Variants in SLC39A11 observed in about 807,000 individuals in gnomAD.
SLC39A11 encodes the protein zinc transporter ZIP11.
A neutral mutation model predicts 36.1 loss-of-function variants in SLC39A11; 33 were observed. The observed-to-expected ratio is 0.91, with a 90% CI of 0.69 to 1.22. The LOEUF (loss-of-function observed/expected upper bound fraction) is 1.22. Among genes scored for constraint, SLC39A11 ranks in the 50% most tolerant of loss-of-function variants. The probability of loss-of-function intolerance (pLI) is 0.00; values close to 1 mark genes in which losing one functional copy is unlikely to be tolerated. For synonymous variants in SLC39A11, 166 were observed against 170.3 expected (o/e 0.97, Z 0.20); for missense variants, 432 against 430.3 (o/e 1.00, Z -0.03).
intron 7 of SLC39A11, among the ~76,000 whole-genome samples, chr17:72,718,508 T>C (rs764612783): frequency 6.6e-6 from 1 of 152,130 alleles, no homozygotes; most frequent in Non-Finnish European, 1.5e-5. Flanking sequence ...AATGGGAGAT[T>C]AGACATTTTC....
At chr17:72,773,030 G>A (rs919439633) in intron 6 of SLC39A11, among the ~76,000 whole-genome samples, 1 of 152,136 alleles carries the variant, frequency 6.6e-6, no homozygotes, top group African/African-American at 2.4e-5. Context: ...AGGTTGCAGT[G>A]AGCCGAGATC....
At position 72,963,402 on chromosome 17, in the gene SLC39A11, C is replaced by A. The variant is rs559139447; in HGVS notation, c.307-15527G>T. 4.0e-5 allele frequency among the ~76,000 whole-genome samples: 6 copies of A among 151,698 alleles called. No homozygotes were observed. In the South Asian group the frequency reaches 1.3e-3, roughly 32 times the overall value. ...AGCCAGGATGGTCTTGATCTCCTGA[C>A]CTCGTGATCCGCCCACCTCAGCCTC... On this transcript the variant is annotated intron_variant, in intron 4 of 9. Transcript: ENST00000255559.
At chr17:72,680,177 C>T (rs2071452427) in intron 7 of SLC39A11, among the ~76,000 whole-genome samples, 1 of 151,914 alleles carries the variant, frequency 6.6e-6, no homozygotes, top group South Asian at 2.1e-4. Context: ...GCAACCATCA[C>T]CACAATCTAG....
intron 7 of SLC39A11, among the ~76,000 whole-genome samples, chr17:72,682,147 C>A (rs577069926): frequency 2.7e-5 from 4 of 146,262 alleles, no homozygotes; most frequent in South Asian, 4.1e-4. Flanking sequence ...CCCCCATCAC[C>A]CCTAGATGGG....
Position 72,748,235 on chromosome 17 carries a change from T to C in SLC39A11, c.602-11516A>G, listed in dbSNP as rs543604379. On this transcript the variant is annotated intron_variant, in intron 6 of 9. Transcript: ENST00000255559. ...TACTTGGGAGGGTTAGGCTGGAGAATCGCTTGAACACGGGAGGTGGAGGTT... is the reference window on the plus strand; with the variant it reads ...TACTTGGGAGGGTTAGGCTGGAGAACCGCTTGAACACGGGAGGTGGAGGTT... Among the ~76,000 whole-genome samples, 33 of 151,782 alleles carry C rather than the reference T, an allele frequency of 2.2e-4. No individual in the cohort carries two copies. The East Asian group carries it at 5.6e-3, about 26-fold the overall frequency.
intron 3 of SLC39A11, among the ~76,000 whole-genome samples, chr17:73,032,947 G>A (rs1347774002): frequency 6.6e-6 from 1 of 152,156 alleles, no homozygotes; most frequent in African/African-American, 2.4e-5. Context: ...ATTTGCTCAT[G>A]GTCCTACAGG....
intron 6 of SLC39A11, among the ~76,000 whole-genome samples, chr17:72,834,332 T>A (rs1296799000): frequency 6.6e-6 from 1 of 152,154 alleles, no homozygotes; most frequent in African/African-American, 2.4e-5. Flanking sequence ...GTCTAAAAGA[T>A]CTTACTAGGC....
intron 3 of SLC39A11, among the ~76,000 whole-genome samples, chr17:73,054,131 G>T (rs988011003): frequency 6.6e-6 from 1 of 152,122 alleles, no homozygotes; most frequent in Middle Eastern, 3.2e-3. Flanking sequence ...TTGGGAGGCC[G>T]AGGTGGGTGG....
chr17:72,919,418 G>T (rs567283632), intron 5 of SLC39A11, among the ~76,000 whole-genome samples: 2 of 152,188 alleles, frequency 1.3e-5, no homozygotes, highest in East Asian at 3.9e-4. Context: ...CAGCAACAAC[G>T]ATGAATAGCG....
intron 4 of SLC39A11, among the ~76,000 whole-genome samples, chr17:73,021,068 A>C (rs2058335854): frequency 6.6e-6 from 1 of 151,624 alleles, no homozygotes; most frequent in Non-Finnish European, 1.5e-5. Context: ...CTACCCCCAA[A>C]CTTCACTTCT....
chr17:72,887,590 A>G (rs2081500706), intron 5 of SLC39A11, among the ~76,000 whole-genome samples: 1 of 152,234 alleles, frequency 6.6e-6, no homozygotes, highest in Non-Finnish European at 1.5e-5. Flanking sequence ...CAGCCATGCT[A>G]TAATTTTCTG....
chr17:72,862,533 C>T (rs1248395479), intron 5 of SLC39A11, among the ~76,000 whole-genome samples: 1 of 152,126 alleles, frequency 6.6e-6, no homozygotes, highest in African/African-American at 2.4e-5. Context: ...TAGACAAGGA[C>T]CACAGGGACA....
At chr17:72,998,663 G>A (rs1255021952) in intron 4 of SLC39A11, among the ~76,000 whole-genome samples, 1 of 152,196 alleles carries the variant, frequency 6.6e-6, no homozygotes, top group Non-Finnish European at 1.5e-5. Context: ...CACTGCAAAA[G>A]TCTGAAAAAG....
chr17:72,684,172 G>A (rs1487849508), intron 7 of SLC39A11, among the ~76,000 whole-genome samples: 1 of 152,158 alleles, frequency 6.6e-6, no homozygotes, highest in African/African-American at 2.4e-5. Context: ...TCCCTGGACA[G>A]CTCATGAGTC....
intron 4 of SLC39A11, among the ~76,000 whole-genome samples, chr17:72,986,575 A>G (rs1476537257): frequency 6.6e-6 from 1 of 152,176 alleles, no homozygotes; most frequent in African/African-American, 2.4e-5. Flanking sequence ...AGGGGGCTCC[A>G]TGGATCAGGA....
intron 7 of SLC39A11, among the ~76,000 whole-genome samples, chr17:72,653,265 C>G (rs1675255076): frequency 6.6e-6 from 1 of 151,398 alleles, no homozygotes; most frequent in African/African-American, 2.4e-5. Flanking sequence ...CCACCACACC[C>G]CCCTATTTTT....
intron 7 of SLC39A11, among the ~76,000 whole-genome samples, chr17:72,677,862 G>A (rs2071341250): frequency 6.6e-6 from 1 of 152,162 alleles, no homozygotes. Flanking sequence ...AATGCGGGAG[G>A]GAGAGAAGGC....
chr17:73,046,409 G>A (rs886192900), intron 3 of SLC39A11, among the ~76,000 whole-genome samples: 1 of 152,168 alleles, frequency 6.6e-6, no homozygotes, highest in African/African-American at 2.4e-5. Flanking sequence ...AGGAGGTAAG[G>A]AGTGATGGGG....
intron 5 of SLC39A11, among the ~76,000 whole-genome samples, chr17:72,927,417 C>T (rs186595857): frequency 6.6e-6 from 1 of 152,216 alleles, no homozygotes; most frequent in East Asian, 1.9e-4. Context: ...TGTTGTTGTG[C>T]CTTCAGGTAT....
Sources: allele counts gnomAD v4.1 joint callset (sites outside exome capture counted in the v4.1 genomes callset), GRCh38; gene constraint gnomAD v4.1.1; transcripts MANE v1.5; gene names NCBI Gene and HGNC (gene_info 2026-07-23, HGNC 2026-07-21).